SOX6: variants seen among roughly 807,000 people sequenced by gnomAD.
SOX6 encodes SRY-box transcription factor 6, also known as transcription factor SOX-6.
Under a neutral mutation model 97.8 loss-of-function variants are expected in SOX6, and 11 were observed. The ratio of observed to expected loss-of-function variants is 0.11; its 90% CI spans 0.07 to 0.19. SOX6 has a LOEUF of 0.19. Ranked by LOEUF, SOX6 falls within the 10% of genes least tolerant of loss-of-function variation. The pLI is 1.00. For missense variants in SOX6, 810 were observed against 1,039.5 expected (o/e 0.78, Z 3.04); for synonymous variants, 360 against 371.4 (o/e 0.97, Z 0.35).
At chr11:16,012,039 C>T (rs189909907) in intron 13 of SOX6, among the ~76,000 whole-genome samples, 1 of 151,870 alleles carries the variant, frequency 6.6e-6, no homozygotes, top group East Asian at 1.9e-4. Context: ...TGCTGCCCAT[C>T]GTTTGTTTTA....
chr11:16,197,090 T>C (rs1161413360), intron 4 of SOX6, among the ~76,000 whole-genome samples: 1 of 152,126 alleles, frequency 6.6e-6, no homozygotes, highest in Non-Finnish European at 1.5e-5. Flanking sequence ...CACCTTGTCC[T>C]CCCAAAGTGG....
chr11:16,712,078 TACACACACACACACACACACACACACAC>T (rs58807051), intron 3 of SOX6, among the ~76,000 whole-genome samples: 3 of 139,924 alleles, frequency 2.1e-5, no homozygotes, highest in Non-Finnish European at 4.7e-5. Context: ...TAGTATTCCA[TACACACACACACACACACACACACACAC>T]ACACACACAC....
chr11:15,979,111 T>C (rs1345907460), intron 15 of SOX6, among the ~76,000 whole-genome samples: 1 of 146,450 alleles, frequency 6.8e-6, no homozygotes, highest in African/African-American at 2.5e-5. Flanking sequence ...CTCAACCTCA[T>C]AGGTGCAGAA....
chr11:16,736,243 T>C (rs984371554), intron 2 of SOX6: 3 of 152,256 alleles, frequency 2.0e-5, no homozygotes, highest in African/African-American at 7.2e-5. Flanking sequence ...TCACTCATGA[T>C]AGTGTATCTT....
chr11:16,733,151 T>C (rs1166175904), intron 2 of SOX6, among the ~76,000 whole-genome samples: 2 of 152,234 alleles, frequency 1.3e-5, no homozygotes, highest in African/African-American at 2.4e-5. Flanking sequence ...AGTTCAACCA[T>C]TGTGGAAGAC....
intron 2 of SOX6, among the ~76,000 whole-genome samples, chr11:16,333,319 T>C (rs1441389650): frequency 6.6e-6 from 1 of 152,212 alleles, no homozygotes; most frequent in Admixed American, 6.5e-5. Context: ...AACTGCATTC[T>C]ATACAATATA....
chr11:16,500,658 AC>A (rs1324892751), intron 4 of SOX6, among the ~76,000 whole-genome samples: 1 of 152,186 alleles, frequency 6.6e-6, no homozygotes, highest in African/African-American at 2.4e-5. Flanking sequence ...ATTCTTATAT[AC>A]CAATAACAAA....
intron 3 of SOX6, among the ~76,000 whole-genome samples, chr11:16,237,513 T>C (rs962709682): frequency 5.3e-5 from 8 of 152,010 alleles, no homozygotes; most frequent in African/African-American, 1.9e-4. Flanking sequence ...ACATTAGTAT[T>C]ACAGAGGCAA....
intron 4 of SOX6, among the ~76,000 whole-genome samples, chr11:16,190,436 C>T (rs1851598694): frequency 1.3e-5 from 2 of 152,026 alleles, no homozygotes; most frequent in Non-Finnish European, 2.9e-5. Context: ...TAAAAAATAA[C>T]ACAAATAAAA....
At chr11:16,319,484 G>T (rs1376415605) in intron 2 of SOX6, among the ~76,000 whole-genome samples, 1 of 151,810 alleles carries the variant, frequency 6.6e-6, no homozygotes, top group East Asian at 1.9e-4. Flanking sequence ...ATTTACATTG[G>T]GTATATCTCC....
At chr11:16,487,565 G>C (rs1329915379) in intron 4 of SOX6, among the ~76,000 whole-genome samples, 2 of 152,186 alleles carry the variant, frequency 1.3e-5, no homozygotes, top group Non-Finnish European at 2.9e-5. Flanking sequence ...AGTAACAGTA[G>C]AGTGGCAGAG....
At chr11:16,129,025 A>ATTTTT (rs34756324) in intron 6 of SOX6, among the ~76,000 whole-genome samples, 2 of 119,238 alleles carry the variant, frequency 1.7e-5, no homozygotes, top group African/African-American at 3.1e-5. Flanking sequence ...CATGCCTGGC[A>ATTTTT]TTTTTTTTTT....
At chr11:16,136,620 G>GAAATAT (rs1219858630) in intron 6 of SOX6, among the ~76,000 whole-genome samples, 2 of 151,966 alleles carry the variant, frequency 1.3e-5, no homozygotes, top group African/African-American at 2.4e-5. Context: ...ATTTATTGTA[G>GAAATAT]AAATATAGTC....
chr11:16,177,191 T>C, intron 6 of SOX6, among the ~76,000 whole-genome samples: 1 of 151,964 alleles, frequency 6.6e-6, no homozygotes, highest in East Asian at 1.9e-4. Flanking sequence ...GTATGGCTTA[T>C]GATAAACTTA....
chr11:16,375,247 T>C (rs566605576), intron 1 of SOX6, among the ~76,000 whole-genome samples: 28 of 152,252 alleles, frequency 1.8e-4, no homozygotes, highest in African/African-American at 6.3e-4. Flanking sequence ...AAGTTATACA[T>C]ATTATTAAAC....
chr11:16,436,449 T>G (rs536030346), intron 1 of SOX6, among the ~76,000 whole-genome samples: 8 of 152,144 alleles, frequency 5.3e-5, no homozygotes, highest in African/African-American at 1.9e-4. Flanking sequence ...CCATATATCA[T>G]CTATCACTCC....
intron 4 of SOX6, among the ~76,000 whole-genome samples, chr11:16,584,785 C>T (rs1848074482): frequency 6.6e-6 from 1 of 152,196 alleles, no homozygotes; most frequent in African/African-American, 2.4e-5. Context: ...AACACCACAG[C>T]GGCCTTCACC....
At chr11:16,161,617 C>G (rs16932655) in intron 6 of SOX6, among the ~76,000 whole-genome samples, 1 of 151,990 alleles carries the variant, frequency 6.6e-6, no homozygotes, top group East Asian at 1.9e-4. Context: ...CCTTTACTAG[C>G]GCCACAAAAC....
At chr11:16,134,934 T>C (rs1266066099) in intron 6 of SOX6, among the ~76,000 whole-genome samples, 1 of 152,216 alleles carries the variant, frequency 6.6e-6, no homozygotes, top group Non-Finnish European at 1.5e-5. Flanking sequence ...GCTTCAACAC[T>C]TCAAAGGACA....
Sources: gnomAD v4.1 joint callset for allele counts (sites outside exome capture counted in the v4.1 genomes callset) on GRCh38, gnomAD v4.1.1 for gene constraint, MANE v1.5 for transcripts, NCBI Gene and HGNC (gene_info 2026-07-23, HGNC 2026-07-21) for gene names.